Variants in PARD3 observed in about 807,000 individuals in gnomAD.
PARD3 encodes par-3 family cell polarity regulator.
A neutral mutation model predicts 155.4 loss-of-function variants in PARD3; 75 were observed. The observed-to-expected ratio is 0.48, with a 90% CI of 0.40 to 0.58. The LOEUF is 0.58. Among genes scored for constraint, PARD3 ranks in the 20% least tolerant of loss-of-function variants. The pLI is 0.00. For missense variants in PARD3, 1,642 were observed against 1,721.7 expected, an observed-to-expected ratio of 0.95 and a Z score of 0.82; for synonymous variants, 576 against 610.5, an observed-to-expected ratio of 0.94 and a Z score of 0.83.
At chr10:34,124,517 C>A (rs1219353260) in intron 23 of PARD3, among the ~76,000 whole-genome samples, 2 of 152,164 alleles carry the variant, frequency 1.3e-5, no homozygotes, top group African/African-American at 4.8e-5. Context: ...TTATGTACAA[C>A]CTTTAATCAA....
chr10:34,687,846 CTTTTTTTTT>C (rs397846339), intron 2 of PARD3, among the ~76,000 whole-genome samples: 7 of 63,712 alleles, frequency 1.1e-4, no homozygotes, highest in South Asian at 1.4e-3. Context: ...CACCTGAAAT[CTTTTTTTTT>C]TTTTTTTTTT....
chr10:34,644,315 G>C (rs2092768797), intron 2 of PARD3, among the ~76,000 whole-genome samples: 1 of 152,202 alleles, frequency 6.6e-6, no homozygotes, highest in East Asian at 1.9e-4. Context: ...ACCCAGCTCA[G>C]TGGGACTTTT....
At chr10:34,798,731 T>C (rs1385193434) in intron 1 of PARD3, among the ~76,000 whole-genome samples, 2 of 146,960 alleles carry the variant, frequency 1.4e-5, no homozygotes, top group Non-Finnish European at 3.0e-5. Flanking sequence ...AACCCACACA[T>C]ACAGGCTGAT....
chr10:34,547,710 C>A (rs1001887495), intron 2 of PARD3, among the ~76,000 whole-genome samples: 2 of 152,106 alleles, frequency 1.3e-5, no homozygotes, highest in African/African-American at 4.8e-5. Context: ...CAAGTGGTGA[C>A]TCCAATTAAA....
At chr10:34,152,016 C>A (rs765881501) in intron 22 of PARD3, among the ~76,000 whole-genome samples, 5 of 152,210 alleles carry the variant, frequency 3.3e-5, no homozygotes, top group Middle Eastern at 6.8e-3. Flanking sequence ...TATTATAATA[C>A]TTTTGCCTTT....
intron 22 of PARD3, among the ~76,000 whole-genome samples, chr10:34,188,412 C>T (rs1241427614): frequency 6.6e-6 from 1 of 152,064 alleles, no homozygotes; most frequent in African/African-American, 2.4e-5. Context: ...GGTAAACAAA[C>T]GTTTTTTACT....
At chr10:34,634,878 G>A (rs1300158160) in intron 2 of PARD3, among the ~76,000 whole-genome samples, 1 of 152,174 alleles carries the variant, frequency 6.6e-6, no homozygotes, top group Non-Finnish European at 1.5e-5. Context: ...CAAACAGGGG[G>A]AATCTGAACA....
At chr10:34,394,831 A>G (rs1479611691) in intron 7 of PARD3, among the ~76,000 whole-genome samples, 1 of 151,948 alleles carries the variant, frequency 6.6e-6, no homozygotes, top group Non-Finnish European at 1.5e-5. Context: ...TCTAATATGG[A>G]TAGTCATGGG....
intron 19 of PARD3, among the ~76,000 whole-genome samples, chr10:34,320,270 C>T (rs549051869): frequency 7.9e-5 from 12 of 152,314 alleles, no homozygotes; most frequent in African/African-American, 2.4e-4. Context: ...AATCTGACTA[C>T]AGTAACACTA....
intron 2 of PARD3, among the ~76,000 whole-genome samples, chr10:34,553,990 C>A (rs371346722): frequency 2.6e-4 from 40 of 152,268 alleles, no homozygotes; most frequent in South Asian, 1.0e-3. Flanking sequence ...GGCCAGGATA[C>A]AAAAATTTAC....
intron 22 of PARD3, among the ~76,000 whole-genome samples, chr10:34,213,195 C>A (rs1312023191): frequency 6.6e-6 from 1 of 152,150 alleles, no homozygotes; most frequent in East Asian, 1.9e-4. Context: ...TGCTTCAACT[C>A]ATGGCAGAAA....
At chr10:34,296,847 T>C (rs2799448) in intron 20 of PARD3, among the ~76,000 whole-genome samples, 76,847 of 152,004 alleles carry the variant, frequency 0.51, 19,537 homozygotes, top group Middle Eastern at 0.6. Flanking sequence ...TTAGGCACCA[T>C]GGCATGTTCC....
At chr10:34,424,844 T>C (rs914404905) in intron 5 of PARD3, among the ~76,000 whole-genome samples, 3 of 152,098 alleles carry the variant, frequency 2.0e-5, no homozygotes, top group African/African-American at 7.2e-5. Context: ...AAAAGACCTA[T>C]TACATGAGCA....
At chr10:34,782,398 G>A (rs889518096) in intron 1 of PARD3, among the ~76,000 whole-genome samples, 3 of 152,182 alleles carry the variant, frequency 2.0e-5, no homozygotes, top group Non-Finnish European at 4.4e-5. Flanking sequence ...GCAGCCAGAG[G>A]TGCTCAACCA....
intron 1 of PARD3, among the ~76,000 whole-genome samples, chr10:34,758,336 T>G (rs1338264057): frequency 6.6e-6 from 1 of 152,208 alleles, no homozygotes; most frequent in Non-Finnish European, 1.5e-5. Context: ...TGCTCCCCAT[T>G]TTACAGATAA....
chr10:34,796,548 A>T (rs1240199507), intron 1 of PARD3, among the ~76,000 whole-genome samples: 1 of 152,256 alleles, frequency 6.6e-6, no homozygotes, highest in East Asian at 1.9e-4. Flanking sequence ...ACTATCAGAC[A>T]CATTATGTCT....
chr10:34,808,918 G>A (rs1201577188), intron 1 of PARD3, among the ~76,000 whole-genome samples: 3 of 152,158 alleles, frequency 2.0e-5, no homozygotes, highest in Non-Finnish European at 2.9e-5. Context: ...CTCAACTGAC[G>A]GAATCAGAGG....
In PARD3 at chr10:34,429,553, A is replaced by AGTTGT. The variant is rs1554854932; in HGVS notation, c.714+20763_714+20764insACAAC. 4.8e-5 allele frequency among the ~76,000 whole-genome samples: 7 copies of AGTTGT among 145,238 alleles called. No individual in the cohort carries two copies. In the East Asian group the frequency reaches 1.5e-3, roughly 30 times the overall value. ...TAAGAATACAGCCCCACTCTAACTC[A>AGTTGT]GTTTTGTTTTGTTTTGTTTTGTTTT... On this transcript the variant is annotated intron_variant, in intron 5 of 24. Coordinates refer to ENST00000374788, the MANE Select transcript of PARD3 (RefSeq NM_001184785.2).
chr10:34,453,675 ACT>A (rs916585321), intron 4 of PARD3, among the ~76,000 whole-genome samples: 3 of 152,204 alleles, frequency 2.0e-5, no homozygotes, highest in Admixed American at 2.0e-4. Flanking sequence ...GATGTATACC[ACT>A]GTTATATGCC....
Sources: gnomAD v4.1 joint callset for allele counts (sites outside exome capture counted in the v4.1 genomes callset) on GRCh38, gnomAD v4.1.1 for gene constraint, MANE v1.5 for transcripts, NCBI Gene and HGNC (gene_info 2026-07-23, HGNC 2026-07-21) for gene names.